Variants in PRPF19 observed in about 807,000 individuals in gnomAD.
The protein encoded by PRPF19 is pre-mRNA processing factor 19.
In PRPF19, 2 loss-of-function variants were observed where a neutral mutation model predicts 64.2. The observed-to-expected ratio is 0.03, with a 90% CI of 0.01 to 0.10. PRPF19 has a LOEUF of 0.10. Ranked by LOEUF, PRPF19 falls within the 10% of genes least tolerant of loss-of-function variation. The probability of loss-of-function intolerance (pLI) is 1.00; values close to 1 mark genes in which losing one functional copy is unlikely to be tolerated. For missense variants in PRPF19, 314 were observed against 650.0 expected (o/e 0.48, Z 5.62); for synonymous variants, 226 against 251.6 (o/e 0.90, Z 0.96).
In PRPF19 at chr11:60,902,097, A is replaced by G. The variant is rs1162824683; in HGVS notation, c.525+306T>C. Among the ~76,000 whole-genome samples the G allele has an allele frequency of 6.6e-6, 1 of 152,260 alleles. No individual in the cohort carries two copies. On this transcript the variant is annotated intron_variant, in intron 6 of 15. Transcript: ENST00000227524. The surrounding 1 kb of genome is among the most constrained non-coding windows in gnomAD (Gnocchi z 5.0). ...AAGAATCTCAATAACAATAAGAGCT[A>G]AAAGGTGCACTTATCAGTAATGAAA...
rs557235655 is a variant in PRPF19, at chr11:60,891,950, A to G, written c.1418-687T>C. On this transcript the variant is annotated intron_variant, in intron 15 of 15. Coordinates refer to ENST00000227524, the MANE Select transcript of PRPF19 (RefSeq NM_014502.5). ...CTCAGGAGAATACGGGGCAAGAAGA[A>G]ATATCTTGTATCCTGCTCACAACCT... Among the ~76,000 whole-genome samples, 5 of 152,326 alleles carry G rather than the reference A, an allele frequency of 3.3e-5. No individual in the cohort carries two copies. In the East Asian group the frequency reaches 5.8e-4, roughly 18 times the overall value.
intron 3 of PRPF19, 140 bp downstream of exon 3, chr11:60,903,319 A>T: frequency 1.1e-6 from 1 of 930,570 alleles, no homozygotes; most frequent in Non-Finnish European, 1.6e-6. Context: ...TGCTGGGGAT[A>T]CAACGAAGAA....
Position 60,898,847 on chromosome 11 carries a change from T to A in PRPF19, c.1054+15A>T. On this transcript the variant is annotated intron_variant, in intron 12 of 15. Transcript: ENST00000227524. This position sits in a 1 kb window ranked among gnomAD's most constrained non-coding sequence, Gnocchi z 4.6. ...ACAGCAAACAAAAAAGCTGAGTGCCTATGAGGCAACTTACAGCAGCCGGAG... is the reference window on the plus strand; with the variant it reads ...ACAGCAAACAAAAAAGCTGAGTGCCAATGAGGCAACTTACAGCAGCCGGAG... 1 of 1,586,008 alleles carries A rather than the reference T, an allele frequency of 6.3e-7. No individual in the cohort carries two copies. Among genetic ancestry groups the A allele is most frequent in the Non-Finnish European group, 8.6e-7 (1 of 1,165,106 alleles).
At chr11:60,906,278 G>A (rs899489352) in intron 1 of PRPF19, 86 bp downstream of exon 1, 102 of 1,500,826 alleles carry the variant, frequency 6.8e-5, no homozygotes, top group Non-Finnish European at 8.6e-5. Flanking sequence ...CCTCCACCCC[G>A]GCCCGGGCGC....
At chr11:60,904,489 G>A (rs909114089) in intron 1 of PRPF19, among the ~76,000 whole-genome samples, 2 of 152,152 alleles carry the variant, frequency 1.3e-5, no homozygotes, top group Non-Finnish European at 1.5e-5. Context: ...CCCTTCAGAT[G>A]CCAATCGCAA....
intron 15 of PRPF19, among the ~76,000 whole-genome samples, chr11:60,892,157 T>A (rs569977361): frequency 6.6e-6 from 1 of 152,224 alleles, no homozygotes; most frequent in Non-Finnish European, 1.5e-5. Context: ...GTTCAAGATC[T>A]GAAAGGGAAA....
Position 60,898,898 on chromosome 11 carries a change from C to T in PRPF19, c.1018G>A (p.Val340Met), listed in dbSNP as rs1437073855. 1.9e-6 allele frequency: 3 copies of T among 1,605,196 alleles called. No individual in the cohort carries two copies. Among genetic ancestry groups the T allele is most frequent in the Non-Finnish European group, 2.6e-6 (3 of 1,175,736 alleles). ...GTCTCATCTGTCACCTTGGTGAGCA[C>T]ACGCCCTGTCTGGATGTCAGAGAAA... ...WAFSDIQTGR[V>M]LTKVTDETSG... Residue 340 changes from valine to methionine, a missense_variant, in exon 12 of 16, where the codon GTG (valine) becomes ATG (methionine). Around this residue, in one of 7 missense-constraint regions of PRPF19, gnomAD observed 175 missense variants for 342.9 expected, o/e 0.51. Coordinates refer to ENST00000227524, the MANE Select transcript of PRPF19 (RefSeq NM_014502.5). This position sits in a 1 kb window ranked among gnomAD's most constrained non-coding sequence, Gnocchi z 4.6.
chr11:60,899,078 T>C (rs555804304), intron 11 of PRPF19, 71 bp downstream of exon 11: 1 of 1,537,630 alleles, frequency 6.5e-7, no homozygotes, highest in African/African-American at 1.4e-5. Context: ...GGTGGGAAGA[T>C]GTTCCTGCCA....
chr11:60,893,751 T>A (rs192255648), intron 15 of PRPF19, among the ~76,000 whole-genome samples: 1,620 of 152,222 alleles, frequency 0.011, 14 homozygotes, highest in Middle Eastern at 0.061. Context: ...GTTCAGGAAT[T>A]CAAGACCAGC....
chr11:60,899,060 C>G, intron 11 of PRPF19, 89 bp downstream of exon 11: 1 of 1,520,050 alleles, frequency 6.6e-7, no homozygotes, highest in Middle Eastern at 1.7e-4. Flanking sequence ...TTCTGGGGAA[C>G]CAGCTGGGGT....
intron 15 of PRPF19, 88 bp downstream of exon 15, chr11:60,897,758 G>A: frequency 8.8e-7 from 1 of 1,132,068 alleles, no homozygotes; most frequent in Non-Finnish European, 1.3e-6. Context: ...GTAAATTCAT[G>A]CAAGCCCTAG....
chr11:60,903,244 G>C lies in PRPF19; in HGVS notation c.246+215C>G, dbSNP rs182302528. Among the ~76,000 whole-genome samples, 468 of 152,274 alleles carry C rather than the reference G, an allele frequency of 3.1e-3. 1 individual carries two copies. The highest frequency in any genetic ancestry group is 0.01 in the African/African-American group (421 of 41,528). ...AGGCACTGTGCCAGACAGTCCTGCA[G>C]GATGTATTCAATCATTCAATTCATA... On this transcript the variant is annotated intron_variant, in intron 3 of 15. Coordinates refer to ENST00000227524, the MANE Select transcript of PRPF19 (RefSeq NM_014502.5).
intron 15 of PRPF19, among the ~76,000 whole-genome samples, chr11:60,893,027 T>C (rs1855879922): frequency 6.6e-6 from 1 of 151,852 alleles, no homozygotes; most frequent in Non-Finnish European, 1.5e-5. Context: ...TGTCACATAA[T>C]GACATGTCAG....
At position 60,898,798 on chromosome 11, in the gene PRPF19, A is replaced by G; in HGVS notation, c.1054+64T>C. ...TTAGAACAAATAAACAAATGACTAA[A>G]TAAAATGTAAAAATAAATAATAAAC... On this transcript the variant is annotated intron_variant, in intron 12 of 15. Coordinates refer to ENST00000227524, the MANE Select transcript of PRPF19 (RefSeq NM_014502.5). The surrounding 1 kb of genome is among the most constrained non-coding windows in gnomAD (Gnocchi z 4.6). 1.3e-6 allele frequency: 2 copies of G among 1,500,082 alleles called. No homozygotes were observed. The highest frequency in any genetic ancestry group is 1.8e-6 in the Non-Finnish European group (2 of 1,116,778). The allele number at this position is 1,500,082 out of a possible 1,614,324, so 92.9% of individuals were successfully genotyped here.
intron 15 of PRPF19, among the ~76,000 whole-genome samples, chr11:60,892,613 A>C (rs1344186618): frequency 6.6e-6 from 1 of 152,172 alleles, no homozygotes; most frequent in Non-Finnish European, 1.5e-5. Context: ...CTTTTCTGAG[A>C]GGTTAAGTAA....
In PRPF19 at chr11:60,897,920, G is replaced by C; in HGVS notation, c.1343C>G (p.Thr448Ser). ...VKSLIFDQSG[T>S]YLALGGTDVQ... ...ATCCGTGCCCCCAAGAGCCAGGTAGGTACCACTCTGGTCAAAGATCAGTGA... is the reference window on the plus strand; with the variant it reads ...ATCCGTGCCCCCAAGAGCCAGGTAGCTACCACTCTGGTCAAAGATCAGTGA... Residue 448 changes from threonine (T) to serine (S), a missense_variant, in exon 15 of 16, where the codon ACC becomes AGC. By Grantham distance (58) the Thr-to-Ser change is moderately conservative (BLOSUM62 1). Around this residue, in one of 7 missense-constraint regions of PRPF19, gnomAD observed 47 missense variants for 94.5 expected, o/e 0.50. Transcript: ENST00000227524. 1 of 1,614,172 alleles carries C rather than the reference G, an allele frequency of 6.2e-7. No homozygotes were observed. Among genetic ancestry groups the C allele is most frequent in the Non-Finnish European group, 8.5e-7 (1 of 1,180,018 alleles).
At chr11:60,905,022 G>A (rs1039279417) in intron 1 of PRPF19, among the ~76,000 whole-genome samples, 6 of 152,198 alleles carry the variant, frequency 3.9e-5, no homozygotes, top group African/African-American at 1.4e-4. Flanking sequence ...ATTCCAAGGA[G>A]CAAAGTGGCA....
At chr11:60,895,654 T>G (rs1157871701) in intron 15 of PRPF19, among the ~76,000 whole-genome samples, 34 of 152,212 alleles carry the variant, frequency 2.2e-4, no homozygotes, top group Non-Finnish European at 1.3e-4. Flanking sequence ...AGGCCTAGCT[T>G]TTGGCCTATT....
At chr11:60,899,066 G>C in intron 11 of PRPF19, 83 bp downstream of exon 11, 1 of 1,521,590 alleles carries the variant, frequency 6.6e-7, no homozygotes, top group Non-Finnish European at 8.9e-7. Flanking sequence ...GGAACCAGCT[G>C]GGGTGGGAAG....
Sources: gnomAD v4.1 joint callset for allele counts (sites outside exome capture counted in the v4.1 genomes callset) on GRCh38, gnomAD v4.1.1 for gene constraint, gnomAD v4.1.1 regional missense constraint, Gnocchi (gnomAD v3.1) non-coding constraint, MANE v1.5 for transcripts, NCBI Gene and HGNC (gene_info 2026-07-23, HGNC 2026-07-21) for gene names.